Variants in CEP128 observed in about 807,000 individuals in gnomAD.
The protein encoded by CEP128 is centrosomal protein 128.
CEP128 carries 132 observed loss-of-function variants against 156.7 expected under a neutral mutation model. The observed-to-expected ratio is 0.84, with a 90% CI of 0.73 to 0.97. The LOEUF is 0.97. Among genes scored for constraint, CEP128 ranks in the 50% least tolerant of loss-of-function variants. CEP128 has a pLI of 0.00. For synonymous variants in CEP128, 469 were observed against 448.9 expected (o/e 1.04, Z -0.57); for missense variants, 1,252 against 1,281.9 (o/e 0.98, Z 0.36).
chr14:80,752,920 T>C (rs1188992952), intron 18 of CEP128, among the ~76,000 whole-genome samples: 1 of 152,226 alleles, frequency 6.6e-6, no homozygotes, highest in Non-Finnish European at 1.5e-5. Flanking sequence ...TATACTATAC[T>C]ATAAAAAGTG....
chr14:80,836,167 AC>A, intron 12 of CEP128, 37 bp downstream of exon 12: 1 of 1,600,272 alleles, frequency 6.2e-7, no homozygotes, highest in Non-Finnish European at 8.5e-7. Context: ...AAGCCCCCAC[AC>A]ACATTATCAC....
At chr14:80,514,935 G>C (rs1404619219) in intron 23 of CEP128, among the ~76,000 whole-genome samples, 3 of 152,200 alleles carry the variant, frequency 2.0e-5, no homozygotes, top group Admixed American at 2.0e-4. Flanking sequence ...AGCCATGTCT[G>C]CATTAAAGGG....
At chr14:80,695,968 C>T (rs535867260) in intron 19 of CEP128, among the ~76,000 whole-genome samples, 2 of 152,206 alleles carry the variant, frequency 1.3e-5, no homozygotes, top group Admixed American at 1.3e-4. Flanking sequence ...AACACTCTGG[C>T]TTCATAGAGA....
At chr14:80,773,255 T>C (rs1321537523) in intron 16 of CEP128, among the ~76,000 whole-genome samples, 1 of 152,184 alleles carries the variant, frequency 6.6e-6, no homozygotes. Context: ...TAAATGTCTT[T>C]ATGGTGTTTG....
chr14:80,729,051 TGGTGGG>T (rs1315724421), intron 19 of CEP128, among the ~76,000 whole-genome samples: 26 of 91,734 alleles, frequency 2.8e-4, no homozygotes, highest in South Asian at 1.9e-3. Flanking sequence ...CAGGCTGGGC[TGGTGGG>T]GGTGTGTGTG....
chr14:80,694,935 T>C (rs1380935290), intron 19 of CEP128, among the ~76,000 whole-genome samples: 1 of 151,092 alleles, frequency 6.6e-6, no homozygotes, highest in African/African-American at 2.4e-5. Context: ...AAAAAAAAAC[T>C]TGTTTTCCTT....
At chr14:80,740,999 A>G (rs371437775) in intron 19 of CEP128, among the ~76,000 whole-genome samples, 54 of 152,298 alleles carry the variant, frequency 3.5e-4, no homozygotes, top group African/African-American at 1.1e-3. Context: ...ATCAAATTTC[A>G]TCTTTAAGGT....
intron 13 of CEP128, among the ~76,000 whole-genome samples, chr14:80,804,055 G>T (rs932191831): frequency 1.6e-4 from 24 of 151,824 alleles, no homozygotes; most frequent in African/African-American, 5.8e-4. Flanking sequence ...ATAAACATGT[G>T]TACTGCAAAA....
intron 24 of CEP128, among the ~76,000 whole-genome samples, chr14:80,498,902 G>A (rs1887612886): frequency 2.0e-5 from 3 of 152,160 alleles, no homozygotes; most frequent in Non-Finnish European, 4.4e-5. Context: ...GCCAACTGGG[G>A]ATTTTCTAGC....
intron 21 of CEP128, among the ~76,000 whole-genome samples, chr14:80,531,382 G>T (rs1227218242): frequency 6.6e-6 from 1 of 152,060 alleles, no homozygotes; most frequent in African/African-American, 2.4e-5. Context: ...CTCAAGATTT[G>T]GGAGAAATAT....
intron 8 of CEP128, among the ~76,000 whole-genome samples, chr14:80,876,821 C>T (rs112032980): frequency 3.0e-4 from 46 of 152,126 alleles, no homozygotes; most frequent in Middle Eastern, 3.4e-3. Context: ...AAATTCTAGA[C>T]GGGATACTTT....
At chr14:80,863,826 A>G (rs572758709) in intron 8 of CEP128, among the ~76,000 whole-genome samples, 55 of 151,670 alleles carry the variant, frequency 3.6e-4, no homozygotes, top group African/African-American at 9.7e-4. Flanking sequence ...AAATGTATGG[A>G]AAAAAAAAGT....
intron 21 of CEP128, among the ~76,000 whole-genome samples, chr14:80,557,774 C>T (rs1182041940): frequency 6.6e-6 from 1 of 152,066 alleles, no homozygotes; most frequent in Non-Finnish European, 1.5e-5. Flanking sequence ...TCTTCATACT[C>T]ACAAATAAAC....
At chr14:80,536,681 G>A (rs150452973) in intron 21 of CEP128, among the ~76,000 whole-genome samples, 5 of 152,262 alleles carry the variant, frequency 3.3e-5, no homozygotes, top group African/African-American at 1.2e-4. Flanking sequence ...TGGCTTCATA[G>A]GGCCCTGTTT....
intron 8 of CEP128, among the ~76,000 whole-genome samples, chr14:80,864,949 ATATC>A (rs1887698321): frequency 6.6e-6 from 1 of 152,226 alleles, no homozygotes; most frequent in African/African-American, 2.4e-5. Context: ...GCCAATCAAC[ATATC>A]TATCACTTTA....
chr14:80,863,109 G>C (rs1461603167), intron 8 of CEP128, among the ~76,000 whole-genome samples: 1 of 152,146 alleles, frequency 6.6e-6, no homozygotes, highest in African/African-American at 2.4e-5. Context: ...CCCAATAAAT[G>C]CCTCAAATTT....
chr14:80,843,692 C>T (rs934740574), intron 9 of CEP128, among the ~76,000 whole-genome samples: 4 of 151,870 alleles, frequency 2.6e-5, no homozygotes, highest in African/African-American at 4.8e-5. Context: ...GTAGACTACA[C>T]GAGCTATAAA....
chr14:80,740,652 G>T (rs574149499), intron 19 of CEP128, among the ~76,000 whole-genome samples: 4 of 152,150 alleles, frequency 2.6e-5, no homozygotes, highest in African/African-American at 9.7e-5. Context: ...CTGCTGCAAA[G>T]GCATTATTTT....
chr14:80,746,433 C>T (rs1899104733), intron 18 of CEP128, among the ~76,000 whole-genome samples: 1 of 152,072 alleles, frequency 6.6e-6, no homozygotes, highest in African/African-American at 2.4e-5. Context: ...GAAATAAACC[C>T]ATATATAAAT....
Sources: gnomAD v4.1 joint callset for allele counts (sites outside exome capture counted in the v4.1 genomes callset) on GRCh38, gnomAD v4.1.1 for gene constraint, MANE v1.5 for transcripts, NCBI Gene and HGNC (gene_info 2026-07-23, HGNC 2026-07-21) for gene names.